Variants in SYNE2 observed in about 807,000 individuals in gnomAD.
SYNE2 encodes the protein spectrin repeat containing nuclear envelope protein 2.
In SYNE2, 431 loss-of-function variants were observed where a neutral mutation model predicts 856.3. The ratio of observed to expected loss-of-function variants is 0.50; its 90% CI spans 0.47 to 0.55. The LOEUF (loss-of-function observed/expected upper bound fraction) is 0.55. SYNE2 is among the 20% of genes least tolerant of loss of function. SYNE2 has a pLI of 0.00. For missense variants in SYNE2, 8,129 were observed against 8,023.2 expected (o/e 1.01, Z -0.50); for synonymous variants, 2,923 against 2,872.3 (o/e 1.02, Z -0.56).
At chr14:64,006,094 G>A (rs141520437) in intron 30 of SYNE2, among the ~76,000 whole-genome samples, 1 of 152,334 alleles carries the variant, frequency 6.6e-6, no homozygotes, top group East Asian at 1.9e-4. Flanking sequence ...AGCTGTTTCA[G>A]TAGGCAGTAG....
intron 111 of SYNE2, 158 bp from the exon 112 acceptor site, chr14:64,221,418 G>T: frequency 1.5e-6 from 2 of 1,319,728 alleles, no homozygotes; most frequent in South Asian, 1.3e-5. Context: ...CCTCATTTTG[G>T]GGCCCTGGCA....
In SYNE2 at chr14:64,185,495, TTTTTTCTTTTTC is replaced by T. The variant is rs1359771611; in HGVS notation, c.17557-911_17557-900del. 6.1e-5 allele frequency among the ~76,000 whole-genome samples: 9 copies of T among 148,304 alleles called. No homozygotes were observed. The South Asian group carries it at 8.4e-4, about 14-fold the overall frequency. ...TTTCAATTTGACAGATGCTTCTTTT[TTTTTTCTTTTTC>T]TTTTTCTTTTTCTTTTTTTTTTTTT... is the stretch of plus-strand genomic sequence containing the variant. On this transcript the variant is annotated intron_variant, in intron 96 of 115. Transcript: ENST00000555002.
intron 1 of SYNE2, among the ~76,000 whole-genome samples, chr14:63,793,766 C>CCA (rs1463250360): frequency 3.3e-5 from 5 of 149,876 alleles, no homozygotes; most frequent in Admixed American, 2.0e-4. Context: ...ATGAGGCCCC[C>CCA]CCCCAACTAA....
chr14:64,218,842 C>T (rs1219774691), intron 109 of SYNE2, among the ~76,000 whole-genome samples: 1 of 152,154 alleles, frequency 6.6e-6, no homozygotes, highest in Non-Finnish European at 1.5e-5. Flanking sequence ...ATTCGACCAG[C>T]CCAGTAATTA....
intron 1 of SYNE2, among the ~76,000 whole-genome samples, chr14:63,817,077 T>G (rs1057043231): frequency 6.6e-6 from 1 of 152,204 alleles, no homozygotes; most frequent in Non-Finnish European, 1.5e-5. Context: ...TCCTGCCTTT[T>G]CTTTCTGCCC....
chr14:63,963,445 A>G lies in SYNE2; in HGVS notation c.889-454A>G, dbSNP rs544682049. 3.3e-5 allele frequency among the ~76,000 whole-genome samples: 5 copies of G among 152,348 alleles called. No homozygotes were observed. The South Asian group carries it at 1.0e-3, about 32-fold the overall frequency. ...CACCTAAGCAAGAATCTACGGAAAA[A>G]GTAATTGTTGTTCACATCTTAATGA... is the stretch of plus-strand genomic sequence containing the variant. On this transcript the variant is annotated intron_variant, in intron 9 of 115. Transcript: ENST00000555002.
intron 2 of SYNE2, among the ~76,000 whole-genome samples, chr14:63,920,392 G>T (rs1311312997): frequency 6.6e-6 from 1 of 151,822 alleles, no homozygotes; most frequent in Admixed American, 6.6e-5. Context: ...GCGGGCAGGA[G>T]AGGCCAGAAG....
chr14:64,075,216 A>G (rs990450397), intron 53 of SYNE2, among the ~76,000 whole-genome samples: 17 of 152,234 alleles, frequency 1.1e-4, no homozygotes, highest in African/African-American at 3.6e-4. Context: ...AGCTACTGTA[A>G]AAACAAAACA....
intron 11 of SYNE2, among the ~76,000 whole-genome samples, chr14:63,971,956 C>G (rs777838360): frequency 1.3e-5 from 2 of 152,184 alleles, no homozygotes; most frequent in African/African-American, 4.8e-5. Context: ...CTTAATCTGG[C>G]TCTTCACAGG....
chr14:64,012,203 C>A (rs773720206), intron 32 of SYNE2, among the ~76,000 whole-genome samples: 98 of 152,292 alleles, frequency 6.4e-4, no homozygotes, highest in Non-Finnish European at 1.2e-3. Context: ...GGCTTCTCTG[C>A]ACCCTCCCCG....
In SYNE2 at chr14:64,122,328, C is replaced by A. The variant is rs372580424; in HGVS notation, c.13323C>A (p.Ile4441=). 9.3e-6 allele frequency: 15 copies of A among 1,614,084 alleles called. No homozygotes were observed. The highest frequency in any genetic ancestry group is 1.3e-5 in the African/African-American group (1 of 74,932). The change falls in exon 70 of 116, where the codon ATC becomes ATA. Residue 4441 remains isoleucine, a synonymous_variant. Coordinates refer to ENST00000555002, the MANE Select transcript of SYNE2 (RefSeq NM_182914.3). ...SSPENDVPDS[I]LSPQGQNGDK... ...CTGAAAATGACGTTCCAGACTCGAT[C>A]TTGTCACCCCAGGGCCAAAATGGAG...
intron 1 of SYNE2, among the ~76,000 whole-genome samples, chr14:63,871,604 AT>A (rs35904188): frequency 0.44 from 65,512 of 147,372 alleles, 15,535 homozygotes; most frequent in South Asian, 0.58. Flanking sequence ...AAGAGATGTC[AT>A]TTTTTTTTTT....
rs1054825422 is a variant in SYNE2 at position 64,074,485 on chromosome 14, T to C, written c.10866+349T>C. 2.6e-5 allele frequency among the ~76,000 whole-genome samples: 4 copies of C among 152,340 alleles called. No homozygotes were observed. In the South Asian group the frequency reaches 8.3e-4, roughly 32 times the overall value. Reference sequence around the variant, plus strand: ...TTAGTAGGACATGGCGCCTTGTCTCTGACAGGGTCTATGTACACCCTACAG... The same window carrying C: ...TTAGTAGGACATGGCGCCTTGTCTCCGACAGGGTCTATGTACACCCTACAG... On this transcript the variant is annotated intron_variant, in intron 53 of 115. Transcript: ENST00000555002.
chr14:63,815,118 A>G (rs1888879841), intron 1 of SYNE2, among the ~76,000 whole-genome samples: 1 of 137,242 alleles, frequency 7.3e-6, no homozygotes, highest in African/African-American at 2.6e-5. Flanking sequence ...ATATATCCAT[A>G]TATATCCACA....
At chr14:64,020,602 A>C (rs1157319140) in intron 35 of SYNE2, among the ~76,000 whole-genome samples, 1 of 152,172 alleles carries the variant, frequency 6.6e-6, no homozygotes, top group East Asian at 1.9e-4. Context: ...TCACTCAGGT[A>C]TGGAGGGCAA....
At chr14:64,075,437 T>C (rs1312944462) in intron 53 of SYNE2, among the ~76,000 whole-genome samples, 1 of 152,222 alleles carries the variant, frequency 6.6e-6, no homozygotes, top group African/African-American at 2.4e-5. Flanking sequence ...ACCTTCCCTT[T>C]TGAAAGCAGT....
intron 19 of SYNE2, among the ~76,000 whole-genome samples, chr14:63,988,626 C>A (rs1474185823): frequency 6.6e-6 from 1 of 152,154 alleles, no homozygotes; most frequent in Admixed American, 6.5e-5. Context: ...AGTTTGTTTT[C>A]ACCCTGCTGT....
chr14:64,190,077 A>G lies in SYNE2; in HGVS notation c.17878A>G (p.Met5960Val). 6.2e-7 allele frequency: 1 copy of G among 1,613,776 alleles called. No individual in the cohort carries two copies. The highest frequency in any genetic ancestry group is 8.5e-7 in the Non-Finnish European group (1 of 1,179,970). The change falls in exon 99 of 116, where the codon ATG becomes GTG. Residue 5960 changes from methionine to valine, a missense_variant. This residue lies in a region of SYNE2 where 5,410 missense variants were observed against 5,284.8 expected (regional missense o/e 1.02). Transcript: ENST00000555002. ...EMIEKLQKDC[M>V]EEINLFSENK... Reference sequence around the variant, plus strand: ...GTTTTGGTGCCTTTGCCAGGACTGCATGGAAGAAATAAACTTGTTTAGTGA... The same window carrying G: ...GTTTTGGTGCCTTTGCCAGGACTGCGTGGAAGAAATAAACTTGTTTAGTGA...
chr14:64,180,504 A>AG, intron 96 of SYNE2, among the ~76,000 whole-genome samples: 1 of 149,280 alleles, frequency 6.7e-6, no homozygotes, highest in Non-Finnish European at 1.5e-5. Context: ...ATGGTTTATA[A>AG]CTTTTTTTTT....
Sources: allele counts gnomAD v4.1 joint callset (sites outside exome capture counted in the v4.1 genomes callset), GRCh38; gene constraint gnomAD v4.1.1; regional missense constraint gnomAD v4.1.1; transcripts MANE v1.5; gene names NCBI Gene and HGNC (gene_info 2026-07-23, HGNC 2026-07-21).